CCDC60: variants seen among roughly 807,000 people sequenced by gnomAD.
CCDC60 encodes the protein coiled-coil domain containing 60, also known as coiled-coil domain-containing protein 60.
In CCDC60, 54 loss-of-function variants were observed where a neutral mutation model predicts 63.5. The observed-to-expected ratio is 0.85, with a 90% confidence interval of 0.68 to 1.07. The LOEUF (loss-of-function observed/expected upper bound fraction) is 1.07. CCDC60 is among the 50% of genes least tolerant of loss of function. The pLI, the probability that CCDC60 is intolerant of heterozygous loss-of-function variation, is 0.00. For synonymous variants in CCDC60, 206 were observed against 238.8 expected, an observed-to-expected ratio of 0.86 and a Z score of 1.27; for missense variants, 651 against 684.3, an observed-to-expected ratio of 0.95 and a Z score of 0.54.
chr12:119,383,047 AT>A (rs1023523751), intron 1 of CCDC60, among the ~76,000 whole-genome samples: 2 of 152,170 alleles, frequency 1.3e-5, no homozygotes, highest in African/African-American at 4.8e-5. Flanking sequence ...TGCACTGGAA[AT>A]TAAATTAATT....
chr12:119,450,016 A>G (rs1489072145), intron 2 of CCDC60, among the ~76,000 whole-genome samples: 1 of 152,212 alleles, frequency 6.6e-6, no homozygotes, highest in Non-Finnish European at 1.5e-5. Flanking sequence ...TAACAAAGTC[A>G]AGGAATCAAC....
At chr12:119,364,785 A>G (rs750864050) in intron 1 of CCDC60, among the ~76,000 whole-genome samples, 1 of 152,230 alleles carries the variant, frequency 6.6e-6, no homozygotes, top group South Asian at 2.1e-4. Flanking sequence ...AACCGCAAGC[A>G]TGATGAGTGT....
chr12:119,342,380 T>C (rs1592976193), intron 1 of CCDC60, among the ~76,000 whole-genome samples: 1 of 152,218 alleles, frequency 6.6e-6, no homozygotes, highest in Admixed American at 6.5e-5. Flanking sequence ...GCTGGGAAAG[T>C]ATGCATCTAA....
chr12:119,431,705 G>A lies in CCDC60; in HGVS notation c.170+2943G>A, dbSNP rs148945221. ...TGTTTGTTTTTTGTTTTGAGACAGA[G>A]TCTCGCTCTGTTGCCCAGGCTGGCG... On this transcript the variant is annotated intron_variant, in intron 2 of 13. Transcript: ENST00000327554. Among the ~76,000 whole-genome samples the A allele has an allele frequency of 4.2e-4, 64 of 152,260 alleles. No individual in the cohort carries two copies. In the East Asian group the frequency reaches 0.012, roughly 28 times the overall value.
At chr12:119,416,935 A>T (rs1342031361) in intron 1 of CCDC60, among the ~76,000 whole-genome samples, 2 of 152,176 alleles carry the variant, frequency 1.3e-5, no homozygotes, top group Non-Finnish European at 2.9e-5. Context: ...AGCCTGACCA[A>T]CATGGTGAAA....
At chr12:119,358,124 C>T (rs1955736740) in intron 1 of CCDC60, among the ~76,000 whole-genome samples, 1 of 152,170 alleles carries the variant, frequency 6.6e-6, no homozygotes, top group South Asian at 2.1e-4. Context: ...GGATCCACCT[C>T]CACAATCCAA....
chr12:119,423,218 A>G, intron 1 of CCDC60, among the ~76,000 whole-genome samples: 1 of 152,160 alleles, frequency 6.6e-6, no homozygotes, highest in South Asian at 2.1e-4. Flanking sequence ...AATTCTGGAT[A>G]TGCATTTTAG....
intron 1 of CCDC60, among the ~76,000 whole-genome samples, chr12:119,398,930 C>A (rs1956336412): frequency 6.6e-6 from 1 of 152,166 alleles, no homozygotes; most frequent in Non-Finnish European, 1.5e-5. Flanking sequence ...CTGTAATTCT[C>A]ATATCTCTAA....
At chr12:119,470,724 T>A (rs1951041465) in intron 2 of CCDC60, among the ~76,000 whole-genome samples, 1 of 152,130 alleles carries the variant, frequency 6.6e-6, no homozygotes, top group African/African-American at 2.4e-5. Flanking sequence ...TCCTACTTTC[T>A]CCAGGAAGAG....
At chr12:119,415,838 A>G (rs912449621) in intron 1 of CCDC60, among the ~76,000 whole-genome samples, 5 of 152,228 alleles carry the variant, frequency 3.3e-5, no homozygotes, top group Non-Finnish European at 7.3e-5. Context: ...ACATCCACAG[A>G]CAGTAATAAG....
At chr12:119,357,871 C>T (rs1955733751) in intron 1 of CCDC60, among the ~76,000 whole-genome samples, 1 of 152,194 alleles carries the variant, frequency 6.6e-6, no homozygotes, top group South Asian at 2.1e-4. Flanking sequence ...TTAATTTGCT[C>T]ATGGTTCTGC....
rs937546404 is a variant in CCDC60, at chr12:119,375,070, A to G, written c.90+39804A>G. 2.6e-5 allele frequency among the ~76,000 whole-genome samples: 4 copies of G among 152,124 alleles called. No individual in the cohort carries two copies. In the East Asian group the frequency reaches 7.7e-4, roughly 29 times the overall value. On this transcript the variant is annotated intron_variant, in intron 1 of 13. Coordinates refer to ENST00000327554, the MANE Select transcript of CCDC60 (RefSeq NM_178499.5). ...ACCGCCTATCTTTCTGTGACTAGGA[A>G]TGCCTAGCCTCCTGGGAATGCAGCC...
chr12:119,413,300 G>A (rs534380280), intron 1 of CCDC60, among the ~76,000 whole-genome samples: 2 of 152,308 alleles, frequency 1.3e-5, no homozygotes, highest in East Asian at 3.9e-4. Context: ...AGTGAGAGAA[G>A]AGGGAGGCAG....
At chr12:119,519,451 G>GTATATA (rs754766528) in intron 8 of CCDC60, among the ~76,000 whole-genome samples, 5 of 125,940 alleles carry the variant, frequency 4.0e-5, no homozygotes, top group African/African-American at 1.8e-4. Flanking sequence ...GTGTGTGTGT[G>GTATATA]TATATATATA....
intron 1 of CCDC60, among the ~76,000 whole-genome samples, chr12:119,417,439 C>G (rs1956722308): frequency 6.6e-6 from 1 of 152,144 alleles, no homozygotes; most frequent in Admixed American, 6.5e-5. Context: ...TTTCTACCCC[C>G]CTTTTTCCTT....
chr12:119,368,069 A>G (rs562981900), intron 1 of CCDC60, among the ~76,000 whole-genome samples: 48 of 150,488 alleles, frequency 3.2e-4, no homozygotes, highest in Admixed American at 5.3e-4. Flanking sequence ...AAAAAAGAAG[A>G]ACAAGAAGAA....
intron 13 of CCDC60, among the ~76,000 whole-genome samples, chr12:119,540,107 A>G (rs370698805): frequency 3.4e-5 from 5 of 148,810 alleles, no homozygotes; most frequent in African/African-American, 1.2e-4. Flanking sequence ...GGAGCTGCAG[A>G]CTGGAGCTGT....
chr12:119,371,517 T>C (rs888053748), intron 1 of CCDC60, among the ~76,000 whole-genome samples: 4 of 152,188 alleles, frequency 2.6e-5, no homozygotes, highest in Non-Finnish European at 5.9e-5. Flanking sequence ...CAACTACCCT[T>C]ATAGTCAGAG....
intron 1 of CCDC60, among the ~76,000 whole-genome samples, chr12:119,395,788 AG>A (rs771206110): frequency 6.6e-6 from 1 of 152,288 alleles, no homozygotes; most frequent in East Asian, 1.9e-4. Flanking sequence ...AGATGTCAGC[AG>A]GGTTAGTTTC....
Sources: gnomAD v4.1 joint callset for allele counts (sites outside exome capture counted in the v4.1 genomes callset) on GRCh38, gnomAD v4.1.1 for gene constraint, MANE v1.5 for transcripts, NCBI Gene and HGNC (gene_info 2026-07-23, HGNC 2026-07-21) for gene names.